The following ARMC9 variants were observed in gnomAD, a reference collection of about 807,000 sequenced individuals.
ARMC9 encodes the protein lisH domain-containing protein ARMC9.
Under a neutral mutation model 107.0 loss-of-function variants are expected in ARMC9, and 94 were observed. That is an observed-to-expected ratio of 0.88 (90% CI 0.74 to 1.04). ARMC9 has a LOEUF of 1.04. Ranked by LOEUF, ARMC9 falls within the 50% of genes least tolerant of loss-of-function variation. The probability of loss-of-function intolerance (pLI) is 0.00; values close to 1 mark genes in which losing one functional copy is unlikely to be tolerated. For missense variants in ARMC9, 942 were observed against 1,030.1 expected, an observed-to-expected ratio of 0.91 and a Z score of 1.17; for synonymous variants, 380 against 396.9, an observed-to-expected ratio of 0.96 and a Z score of 0.51.
At chr2:231,343,808 G>A (rs767260226) in intron 20 of ARMC9, among the ~76,000 whole-genome samples, 7 of 151,670 alleles carry the variant, frequency 4.6e-5, no homozygotes, top group Non-Finnish European at 7.4e-5. Context: ...ACAGAGTGGC[G>A]TGCACTTGTA....
chr2:231,368,786 G>A (rs781608454), intron 23 of ARMC9, among the ~76,000 whole-genome samples: 7 of 152,104 alleles, frequency 4.6e-5, no homozygotes, highest in Non-Finnish European at 7.4e-5. Context: ...ACCATGCCCC[G>A]CTAATTTTTT....
intron 19 of ARMC9, among the ~76,000 whole-genome samples, chr2:231,313,186 T>G (rs1330788818): frequency 1.3e-5 from 2 of 152,256 alleles, no homozygotes; most frequent in Non-Finnish European, 2.9e-5. Flanking sequence ...TTTGTAATTC[T>G]ATCATCCAAC....
At chr2:231,345,515 A>T (rs2044768635) in intron 21 of ARMC9, among the ~76,000 whole-genome samples, 1 of 152,176 alleles carries the variant, frequency 6.6e-6, no homozygotes. Flanking sequence ...GAACAACTGG[A>T]TGCTGTTTTA....
intron 19 of ARMC9, among the ~76,000 whole-genome samples, chr2:231,301,704 A>G (rs1428828956): frequency 6.6e-6 from 1 of 151,992 alleles, no homozygotes; most frequent in Non-Finnish European, 1.5e-5. Context: ...TTGAGGCGGG[A>G]TGTGGTGGCT....
intron 19 of ARMC9, among the ~76,000 whole-genome samples, chr2:231,328,854 G>A (rs570014526): frequency 2.9e-5 from 3 of 103,136 alleles, no homozygotes; most frequent in African/African-American, 6.6e-5. Flanking sequence ...TTGCTCTGTC[G>A]CCCAGGCTGG....
chr2:231,280,542 T>C (rs139923048), intron 16 of ARMC9, among the ~76,000 whole-genome samples: 8 of 152,236 alleles, frequency 5.3e-5, no homozygotes, highest in African/African-American at 1.7e-4. Context: ...CATACATACA[T>C]ATATACTTTA....
At chr2:231,318,058 G>A (rs1410560259) in intron 19 of ARMC9, among the ~76,000 whole-genome samples, 1 of 151,316 alleles carries the variant, frequency 6.6e-6, no homozygotes, top group African/African-American at 2.4e-5. Context: ...TGTTTCTGCT[G>A]TATCTAGTAA....
intron 14 of ARMC9, among the ~76,000 whole-genome samples, 184 bp downstream of exon 14, chr2:231,273,262 G>A (rs1027658293): frequency 6.6e-6 from 1 of 152,204 alleles, no homozygotes; most frequent in African/African-American, 2.4e-5. Flanking sequence ...GGCTGCTGGG[G>A]ATGGAGGAAG....
At chr2:231,335,096 A>G (rs1486602997) in intron 20 of ARMC9, among the ~76,000 whole-genome samples, 1 of 152,232 alleles carries the variant, frequency 6.6e-6, no homozygotes, top group Non-Finnish European at 1.5e-5. Context: ...TGCCCAACAC[A>G]GCGGAATGCC....
intron 9 of ARMC9, among the ~76,000 whole-genome samples, chr2:231,249,610 G>T (rs1405786629): frequency 6.6e-6 from 1 of 152,128 alleles, no homozygotes; most frequent in African/African-American, 2.4e-5. Context: ...AGCTGTTTCA[G>T]CTTGGCTTAG....
intron 20 of ARMC9, 41 bp from the exon 21 acceptor site, chr2:231,344,934 T>G: frequency 6.2e-7 from 1 of 1,601,762 alleles, no homozygotes. Flanking sequence ...AGCTCTCTAA[T>G]AGATATTTCT....
chr2:231,259,722 G>A (rs2038163562), intron 11 of ARMC9, among the ~76,000 whole-genome samples: 1 of 152,196 alleles, frequency 6.6e-6, no homozygotes, highest in African/African-American at 2.4e-5. Context: ...GCTGGGCATG[G>A]TGGCTCATGC....
At chr2:231,337,886 C>A (rs908399397) in intron 20 of ARMC9, among the ~76,000 whole-genome samples, 2 of 152,184 alleles carry the variant, frequency 1.3e-5, no homozygotes, top group Non-Finnish European at 2.9e-5. Context: ...AGTAACAGAA[C>A]GTAAAGACCA....
In ARMC9 at chr2:231,214,931, C is replaced by T. The variant is rs2033331258; in HGVS notation, c.278C>T (p.Ala93Val). 3 of 1,614,096 alleles carry T rather than the reference C, an allele frequency of 1.9e-6. No homozygotes were observed. Among genetic ancestry groups the T allele is most frequent in the Non-Finnish European group, 2.5e-6 (3 of 1,180,020 alleles). Residue 93 changes from alanine to valine, a missense_variant, in exon 4 of 25, where the codon GCC becomes GTC. Transcript: ENST00000611582. The stretch of plus-strand genomic sequence containing the variant: ...TCCATCCGAGATGGGGACTCCTTTG[C>T]CCAGAAGCTGGAATTCTATCTCCAC... ...SSSIRDGDSF[A>V]QKLEFYLHIH...
chr2:231,202,996 G>A (rs913198120), intron 1 of ARMC9, among the ~76,000 whole-genome samples: 1 of 152,184 alleles, frequency 6.6e-6, no homozygotes, highest in African/African-American at 2.4e-5. Flanking sequence ...CACAGAAACA[G>A]TTCAAGCCTT....
intron 7 of ARMC9, among the ~76,000 whole-genome samples, chr2:231,232,241 G>A (rs2035301899): frequency 6.6e-6 from 1 of 151,592 alleles, no homozygotes; most frequent in South Asian, 2.1e-4. Flanking sequence ...GGCCAGGGTG[G>A]TCTTGATCTC....
At chr2:231,279,133 A>G (rs560931075) in intron 16 of ARMC9, among the ~76,000 whole-genome samples, 2 of 152,294 alleles carry the variant, frequency 1.3e-5, no homozygotes, top group Admixed American at 6.5e-5. Flanking sequence ...GGCTGCCAGC[A>G]TACATCAGTT....
chr2:231,213,516 G>A (rs1335918697), intron 3 of ARMC9, among the ~76,000 whole-genome samples: 1 of 144,998 alleles, frequency 6.9e-6, no homozygotes, highest in Non-Finnish European at 1.5e-5. Context: ...TCGCTCTGTT[G>A]CCCAGGCTGG....
At position 231,276,748 on chromosome 2, in the gene ARMC9, C is replaced by T. The variant is rs758381267; in HGVS notation, c.1447C>T (p.Leu483Phe). The change falls in exon 15 of 25, where the codon CTC (leucine) becomes TTC (phenylalanine). Residue 483 changes from leucine (L) to phenylalanine (F), a missense_variant. Coordinates refer to ENST00000611582, the MANE Select transcript of ARMC9 (RefSeq NM_001352754.2). Reference sequence around the variant, plus strand: ...CACGCTGGAGTACTCGGTGGCTTTGCTCATGAACCTCTGCCTCCGCAGCAC... The same window carrying T: ...CACGCTGGAGTACTCGGTGGCTTTGTTCATGAACCTCTGCCTCCGCAGCAC... ...DYTLEYSVALLMNLCLRSTGK... is the reference protein window; with the variant it reads ...DYTLEYSVALFMNLCLRSTGK... 1.2e-6 allele frequency: 2 copies of T among 1,614,156 alleles called. No individual in the cohort carries two copies. Among genetic ancestry groups the T allele is most frequent in the Non-Finnish European group, 1.7e-6 (2 of 1,180,032 alleles).
Sources: allele counts gnomAD v4.1 joint callset (sites outside exome capture counted in the v4.1 genomes callset), GRCh38; gene constraint gnomAD v4.1.1; transcripts MANE v1.5; gene names NCBI Gene and HGNC (gene_info 2026-07-23, HGNC 2026-07-21).